CSMD2: variants seen among roughly 807,000 people sequenced by gnomAD.
CSMD2 encodes the protein CUB and sushi domain-containing protein 2.
A neutral mutation model predicts 398.5 loss-of-function variants in CSMD2; 130 were observed. The observed-to-expected ratio is 0.33, with a 90% CI of 0.28 to 0.38. The LOEUF (loss-of-function observed/expected upper bound fraction) is 0.38, where lower values mean the gene tolerates loss of function less well. Among genes scored for constraint, CSMD2 ranks in the 10% least tolerant of loss-of-function variants. CSMD2 has a pLI of 1.00. For missense variants in CSMD2, 3,829 were observed against 4,764.9 expected (o/e 0.80, Z 5.78); for synonymous variants, 1,828 against 1,908.5 (o/e 0.96, Z 1.10).
At position 33,925,163 on chromosome 1, in the gene CSMD2, C is replaced by T. The variant is rs534992405; in HGVS notation, c.713-6862G>A. Among the ~76,000 whole-genome samples, 5 of 152,166 alleles carry T rather than the reference C, an allele frequency of 3.3e-5. No homozygotes were observed. In the South Asian group the frequency reaches 1.0e-3, roughly 32 times the overall value. ...GGAATAACTCCCCTAAGTTTTCTTC[C>T]AGTAGTTTTATAGTTTGGGGTCTTA... On this transcript the variant is annotated intron_variant, in intron 4 of 70. Coordinates refer to ENST00000373381, the MANE Select transcript of CSMD2 (RefSeq NM_001281956.2).
intron 5 of CSMD2, among the ~76,000 whole-genome samples, chr1:33,867,795 C>T (rs557759757): frequency 6.6e-6 from 1 of 152,060 alleles, no homozygotes; most frequent in Non-Finnish European, 1.5e-5. Context: ...TTGTTTCCAG[C>T]CTGAAATGTG....
At chr1:34,021,681 T>C (rs1316631880) in intron 3 of CSMD2, among the ~76,000 whole-genome samples, 1 of 151,914 alleles carries the variant, frequency 6.6e-6, no homozygotes, top group African/African-American at 2.4e-5. Context: ...ATGCAGAAAA[T>C]TGAGAAGTAA....
intron 22 of CSMD2, among the ~76,000 whole-genome samples, chr1:33,708,281 C>T (rs909898929): frequency 2.0e-5 from 3 of 152,160 alleles, no homozygotes; most frequent in Non-Finnish European, 4.4e-5. Flanking sequence ...AGGCCATCAT[C>T]GTAGTACACT....
chr1:34,004,166 G>A (rs9425978), intron 3 of CSMD2, among the ~76,000 whole-genome samples: 3,276 of 152,276 alleles, frequency 0.022, 121 homozygotes, highest in African/African-American at 0.074. Flanking sequence ...CTAGGATCAT[G>A]TGAATCCAAA....
At chr1:33,728,536 C>A (rs1646618523) in intron 15 of CSMD2, among the ~76,000 whole-genome samples, 1 of 151,796 alleles carries the variant, frequency 6.6e-6, no homozygotes, top group Admixed American at 6.6e-5. Flanking sequence ...AGTTATTATC[C>A]CTATTTTATA....
intron 5 of CSMD2, chr1:33,864,204 A>G (rs1639777585): frequency 6.3e-7 from 1 of 1,596,728 alleles, no homozygotes; most frequent in African/African-American, 1.4e-5. Context: ...GGGAAAAGAA[A>G]TCCAGCTAAA....
At chr1:33,830,215 GTCCCT>G (rs1659361059) in intron 6 of CSMD2, among the ~76,000 whole-genome samples, 4 of 152,206 alleles carry the variant, frequency 2.6e-5, no homozygotes, top group African/African-American at 9.7e-5. Flanking sequence ...CCTCAAGTGG[GTCCCT>G]GACCCTTGAC....
At chr1:33,930,534 C>T (rs1644280016) in intron 4 of CSMD2, among the ~76,000 whole-genome samples, 1 of 152,196 alleles carries the variant, frequency 6.6e-6, no homozygotes, top group Non-Finnish European at 1.5e-5. Context: ...ACCTCAGAGG[C>T]TAAGCACTTC....
chr1:33,914,400 GTGTGTGTGTGTT>G, intron 5 of CSMD2, among the ~76,000 whole-genome samples: 1 of 147,112 alleles, frequency 6.8e-6, no homozygotes, highest in African/African-American at 2.4e-5. Context: ...GTGTGTGTGT[GTGTGTGTGTGTT>G]TGTGTGTATG....
intron 2 of CSMD2, among the ~76,000 whole-genome samples, chr1:34,050,379 A>G (rs1558302887): frequency 6.6e-6 from 1 of 152,226 alleles, no homozygotes; most frequent in South Asian, 2.1e-4. Context: ...CATAGTGCCT[A>G]ATCCACTGTC....
At chr1:33,578,817 C>T (rs577162895) in intron 48 of CSMD2, among the ~76,000 whole-genome samples, 69 of 152,244 alleles carry the variant, frequency 4.5e-4, no homozygotes, top group African/African-American at 1.6e-3. Flanking sequence ...GGTGAGGTCC[C>T]CGGCCTCTTT....
In CSMD2 at chr1:33,951,897, T is replaced by C. The variant is rs371001218; in HGVS notation, c.518-15943A>G. Among the ~76,000 whole-genome samples the C allele has an allele frequency of 9.2e-5, 14 of 152,342 alleles. No homozygotes were observed. In the East Asian group the frequency reaches 1.9e-3, roughly 21 times the overall value. On this transcript the variant is annotated intron_variant, in intron 3 of 70. Coordinates refer to ENST00000373381, the MANE Select transcript of CSMD2 (RefSeq NM_001281956.2). ...CTTTCACGCCCCTTGGCCTCTGCAG[T>C]TGCTGGCCCCACCTCTGAAGTACTC...
At chr1:33,729,854 T>A (rs968895449) in intron 15 of CSMD2, among the ~76,000 whole-genome samples, 3 of 152,210 alleles carry the variant, frequency 2.0e-5, no homozygotes, top group African/African-American at 7.2e-5. Context: ...ACCTTGCTGG[T>A]GAACGTGCAA....
intron 1 of CSMD2, among the ~76,000 whole-genome samples, chr1:34,143,631 A>G (rs1196918623): frequency 6.6e-6 from 1 of 152,228 alleles, no homozygotes; most frequent in Non-Finnish European, 1.5e-5. Context: ...AGAACCCAGC[A>G]TGGTATCTGG....
chr1:33,862,138 C>T (rs1639566522), intron 5 of CSMD2: 1 of 152,156 alleles, frequency 6.6e-6, no homozygotes, highest in Non-Finnish European at 1.5e-5. Flanking sequence ...GATTTATTTA[C>T]CTTTCCTAAG....
chr1:33,908,217 G>A (rs1643234423), intron 5 of CSMD2, among the ~76,000 whole-genome samples: 1 of 152,166 alleles, frequency 6.6e-6, no homozygotes, highest in Non-Finnish European at 1.5e-5. Context: ...AAACCAACGT[G>A]AAACAACATG....
intron 2 of CSMD2, among the ~76,000 whole-genome samples, chr1:34,081,585 GT>G (rs1220316591): frequency 6.6e-6 from 1 of 152,180 alleles, no homozygotes; most frequent in Non-Finnish European, 1.5e-5. Context: ...CGCCTGACTG[GT>G]TTTTGTATTT....
intron 1 of CSMD2, among the ~76,000 whole-genome samples, chr1:34,098,827 AC>A (rs1411138371): frequency 6.6e-6 from 1 of 152,090 alleles, no homozygotes; most frequent in Admixed American, 6.6e-5. Flanking sequence ...TGAGAAGAAA[AC>A]CTAGGTAATT....
At chr1:33,949,512 A>C (rs553788912) in intron 3 of CSMD2, among the ~76,000 whole-genome samples, 49 of 152,304 alleles carry the variant, frequency 3.2e-4, no homozygotes, top group African/African-American at 1.2e-3. Flanking sequence ...GAATAGTCCT[A>C]CCCAGCTGCA....
Sources: allele counts gnomAD v4.1 joint callset (sites outside exome capture counted in the v4.1 genomes callset), GRCh38; gene constraint gnomAD v4.1.1; transcripts MANE v1.5; gene names NCBI Gene and HGNC (gene_info 2026-07-23, HGNC 2026-07-21).